Variants in LPCAT2 observed in about 807,000 individuals in gnomAD.
LPCAT2 encodes 1-AGP acyltransferase 11.
LPCAT2 carries 58 observed loss-of-function variants against 64.7 expected under a neutral mutation model. The observed-to-expected ratio is 0.90, with a 90% CI of 0.73 to 1.12. The LOEUF is 1.12. Ranked by LOEUF, LPCAT2 falls within the 50% of genes most tolerant of loss-of-function variation. The probability of loss-of-function intolerance (pLI) is 0.00; values close to 1 mark genes in which losing one functional copy is unlikely to be tolerated. For synonymous variants in LPCAT2, 252 were observed against 245.3 expected (o/e 1.03, Z -0.26); for missense variants, 579 against 669.8 (o/e 0.86, Z 1.50).
In LPCAT2 at chr16:55,576,493, G is replaced by T. The variant is rs562552946; in HGVS notation, c.1314+1764G>T. Among the ~76,000 whole-genome samples, 9 of 151,724 alleles carry T rather than the reference G, an allele frequency of 5.9e-5. No homozygotes were observed. The East Asian group carries it at 1.7e-3, about 29-fold the overall frequency. ...AAGTGGAATTATTTGTAAGGCCAGG[G>T]AGTAGACTCAAGGGAAAACTCACAG... is the stretch of plus-strand genomic sequence containing the variant. On this transcript the variant is annotated intron_variant, in intron 12 of 13. Transcript: ENST00000262134.
intron 8 of LPCAT2, 109 bp from the exon 9 acceptor site, chr16:55,545,626 T>C: frequency 1.4e-6 from 1 of 715,908 alleles, no homozygotes; most frequent in Non-Finnish European, 2.4e-6. Context: ...TAACCTATGT[T>C]CTAGAAAGGT....
intron 11 of LPCAT2, among the ~76,000 whole-genome samples, chr16:55,558,330 A>G (rs1963599743): frequency 6.6e-6 from 1 of 152,268 alleles, no homozygotes; most frequent in African/African-American, 2.4e-5. Context: ...ATGTCTTGCA[A>G]TGTCCAAACA....
chr16:55,555,329 T>G (rs945997866), intron 11 of LPCAT2, among the ~76,000 whole-genome samples: 7 of 152,230 alleles, frequency 4.6e-5, no homozygotes, highest in African/African-American at 1.7e-4. Context: ...TTTTGCAGCC[T>G]TACTAGTTGT....
intron 13 of LPCAT2, among the ~76,000 whole-genome samples, chr16:55,581,938 G>GT (rs1963891019): frequency 1.3e-5 from 2 of 152,112 alleles, no homozygotes; most frequent in Admixed American, 1.3e-4. Context: ...AGGTCTTGTG[G>GT]TATGATTATT....
chr16:55,533,029 T>A, intron 6 of LPCAT2, 147 bp downstream of exon 6: 1 of 573,774 alleles, frequency 1.7e-6, no homozygotes, highest in South Asian at 2.7e-5. Flanking sequence ...CACATCTAGT[T>A]TTTAAAATTT....
At position 55,545,767 on chromosome 16, in the gene LPCAT2, A is replaced by C; in HGVS notation, c.885A>C (p.Glu295Asp). 1 of 1,613,530 alleles carries C rather than the reference A, an allele frequency of 6.2e-7. No homozygotes were observed. The highest frequency in any genetic ancestry group is 2.2e-5 in the East Asian group (1 of 44,830). Residue 295 changes from glutamate to aspartate, a missense_variant, in exon 9 of 14, where the codon GAA (glutamate) becomes GAC (aspartate). Glu to Asp is a conservative substitution (Grantham distance 45). Transcript: ENST00000262134. ...CAGTTCAAGTACCAAATGATGAAGA[A>C]AAAAATGATCCTGTCCTTTTTGCCA... ...FMPVQVPNDEEKNDPVLFANK... is the reference protein window; with the variant it reads ...FMPVQVPNDEDKNDPVLFANK...
At chr16:55,526,592 A>G (rs529604245) in intron 2 of LPCAT2, among the ~76,000 whole-genome samples, 7 of 152,350 alleles carry the variant, frequency 4.6e-5, no homozygotes, top group Non-Finnish European at 7.3e-5. Flanking sequence ...AATGAATTCA[A>G]TGCTGGCAAT....
chr16:55,547,332 C>T (rs953931406), intron 9 of LPCAT2, among the ~76,000 whole-genome samples: 1 of 152,194 alleles, frequency 6.6e-6, no homozygotes, highest in Non-Finnish European at 1.5e-5. Context: ...TTGGACAAGT[C>T]TCCTCCAAAT....
Position 55,533,664 on chromosome 16 carries a change from T to C in LPCAT2, c.763-779T>C, listed in dbSNP as rs540946017. ...CTGACCTCAAGTAATCCACCTGTCT[T>C]GGCCTCCCAAAGTGCTGGGATTACA... On this transcript the variant is annotated intron_variant, in intron 6 of 13. Coordinates refer to ENST00000262134, the MANE Select transcript of LPCAT2 (RefSeq NM_017839.5). Among the ~76,000 whole-genome samples, 85 of 152,140 alleles carry C rather than the reference T, an allele frequency of 5.6e-4. 1 individual carries two copies. The highest frequency in any genetic ancestry group is 2.0e-3 in the African/African-American group (82 of 41,520).
chr16:55,572,513 AAAACAGC>A (rs1963781406), intron 11 of LPCAT2, among the ~76,000 whole-genome samples: 1 of 152,222 alleles, frequency 6.6e-6, no homozygotes, highest in Non-Finnish European at 1.5e-5. Flanking sequence ...AGGTTCAGTA[AAAACAGC>A]CCTCCAGAGT....
intron 11 of LPCAT2, among the ~76,000 whole-genome samples, chr16:55,566,093 T>C (rs1244606486): frequency 3.3e-5 from 5 of 152,194 alleles, no homozygotes; most frequent in Non-Finnish European, 5.9e-5. Flanking sequence ...TTGTGATTTA[T>C]ATGATACATT....
At chr16:55,525,720 GTT>G (rs1277180913) in intron 2 of LPCAT2, 73 bp downstream of exon 2, 4 of 1,131,690 alleles carry the variant, frequency 3.5e-6, no homozygotes, top group Non-Finnish European at 4.7e-6. Flanking sequence ...TATAAGAAGA[GTT>G]CATCATAGTT....
intron 11 of LPCAT2, among the ~76,000 whole-genome samples, chr16:55,557,706 A>G (rs1397105687): frequency 2.0e-5 from 3 of 151,962 alleles, no homozygotes; most frequent in Non-Finnish European, 4.4e-5. Flanking sequence ...ATCTTTCCTC[A>G]AGTCTAGTGC....
intron 7 of LPCAT2, among the ~76,000 whole-genome samples, chr16:55,535,562 A>G (rs1363720750): frequency 1.3e-5 from 2 of 152,244 alleles, no homozygotes; most frequent in Non-Finnish European, 2.9e-5. Flanking sequence ...ACAGCATATT[A>G]TCTTTCACTT....
chr16:55,575,904 A>G (rs963203026), intron 12 of LPCAT2, among the ~76,000 whole-genome samples: 1 of 152,242 alleles, frequency 6.6e-6, no homozygotes, highest in Non-Finnish European at 1.5e-5. Context: ...TAAAACCTTC[A>G]GCTTTTACAG....
At chr16:55,537,247 C>T (rs72812711) in intron 7 of LPCAT2, among the ~76,000 whole-genome samples, 2,139 of 152,036 alleles carry the variant, frequency 0.014, 21 homozygotes, top group South Asian at 0.028. Flanking sequence ...TTGTCTAAGC[C>T]GGGCACAGTG....
At chr16:55,553,250 T>A (rs1048626002) in intron 11 of LPCAT2, among the ~76,000 whole-genome samples, 1 of 151,792 alleles carries the variant, frequency 6.6e-6, no homozygotes. Context: ...AAAAAAAAAA[T>A]TATTTTTGTA....
At chr16:55,526,022 C>G (rs1316362211) in intron 2 of LPCAT2, 1 of 153,678 alleles carries the variant, frequency 6.5e-6, no homozygotes, top group Non-Finnish European at 1.4e-5. Context: ...TACAAAATAC[C>G]TTGCTCTCAG....
chr16:55,552,956 C>G (rs533820738), intron 11 of LPCAT2, among the ~76,000 whole-genome samples: 2 of 152,166 alleles, frequency 1.3e-5, no homozygotes, highest in African/African-American at 4.8e-5. Context: ...TCTTTGTAGG[C>G]TGGGTTCAGT....
Sources: gnomAD v4.1 joint callset for allele counts (sites outside exome capture counted in the v4.1 genomes callset) on GRCh38, gnomAD v4.1.1 for gene constraint, MANE v1.5 for transcripts, NCBI Gene and HGNC (gene_info 2026-07-23, HGNC 2026-07-21) for gene names.